The following FLI1 variants were observed in gnomAD, a reference collection of about 807,000 sequenced individuals.
FLI1 encodes Friend leukemia integration 1 transcription factor.
In FLI1, 13 loss-of-function variants were observed where a neutral mutation model predicts 53.1. The ratio of observed to expected loss-of-function variants is 0.24; its 90% CI spans 0.16 to 0.39. The LOEUF is 0.39. Ranked by LOEUF, FLI1 falls within the 10% of genes least tolerant of loss-of-function variation. The probability of loss-of-function intolerance (pLI) is 1.00; values close to 1 mark genes in which losing one functional copy is unlikely to be tolerated. For missense variants in FLI1, 424 were observed against 600.5 expected, an observed-to-expected ratio of 0.71 and a Z score of 3.07; for synonymous variants, 244 against 236.7, an observed-to-expected ratio of 1.03 and a Z score of -0.28.
rs549318441 is a variant in FLI1, at chr11:128,793,910, A to G, written c.656-11456A>G. ...ATTCGTTCCCATTGGACTCAGCCCA[A>G]CAATGACTCCTCCCGCACTGCCAAG... On this transcript the variant is annotated intron_variant, in intron 5 of 8. Transcript: ENST00000527786. 2.0e-5 allele frequency among the ~76,000 whole-genome samples: 3 copies of G among 152,282 alleles called. No homozygotes were observed. In the East Asian group the frequency reaches 5.8e-4, roughly 29 times the overall value.
intron 6 of FLI1, chr11:128,805,966 A>G (rs953711931): frequency 1.3e-5 from 2 of 151,814 alleles, no homozygotes; most frequent in Admixed American, 6.5e-5. Context: ...TTCTCCACCA[A>G]GTGGTGAGAT....
At chr11:128,697,108 C>T (rs1298580565) in intron 1 of FLI1, among the ~76,000 whole-genome samples, 1 of 152,208 alleles carries the variant, frequency 6.6e-6, no homozygotes, top group East Asian at 1.9e-4. Flanking sequence ...TATTAAACAA[C>T]ACCCGACCCA....
At chr11:128,809,127 T>A in intron 7 of FLI1, 30 bp from the exon 8 acceptor site, 1 of 1,605,074 alleles carries the variant, frequency 6.2e-7, no homozygotes, top group South Asian at 1.1e-5. Context: ...TTAAAAACAC[T>A]GAAGCAAATT....
chr11:128,689,118 TTAAG>T (rs1937642442), upstream of FLI1, among the ~76,000 whole-genome samples: 1 of 151,886 alleles, frequency 6.6e-6, no homozygotes, highest in African/African-American at 2.4e-5. Context: ...CACAGGGAGG[TTAAG>T]TAACTTGTTC....
intron 5 of FLI1, among the ~76,000 whole-genome samples, chr11:128,800,477 G>A (rs1394561772): frequency 2.6e-5 from 4 of 152,172 alleles, no homozygotes; most frequent in Admixed American, 2.0e-4. Context: ...GACAGCAGAG[G>A]CATCAGAGCA....
At chr11:128,776,838 G>A (rs1314952348) in intron 4 of FLI1, among the ~76,000 whole-genome samples, 2 of 151,730 alleles carry the variant, frequency 1.3e-5, no homozygotes, top group Non-Finnish European at 3.0e-5. Context: ...CGTTCCCCCG[G>A]CCCTGGAGAC....
At chr11:128,690,586 G>T (rs373443007), upstream of FLI1, among the ~76,000 whole-genome samples, 10 of 152,300 alleles carry the variant, frequency 6.6e-5, no homozygotes, top group East Asian at 1.5e-3. Flanking sequence ...CAGGACTTCC[G>T]CATCTTTGAA....
intron 5 of FLI1, among the ~76,000 whole-genome samples, chr11:128,783,804 G>C (rs775815561): frequency 1.3e-5 from 2 of 152,154 alleles, no homozygotes; most frequent in Non-Finnish European, 2.9e-5. Context: ...CTCACATTGC[G>C]AGGGCTCAAG....
At chr11:128,734,264 AGGCT>A (rs568541230) in intron 1 of FLI1, among the ~76,000 whole-genome samples, 58 of 152,312 alleles carry the variant, frequency 3.8e-4, no homozygotes, top group Middle Eastern at 3.4e-3. Flanking sequence ...CGTTTGGAGG[AGGCT>A]GCGCTGTCCA....
At chr11:128,708,826 C>T (rs556935807) in intron 1 of FLI1, among the ~76,000 whole-genome samples, 3 of 152,280 alleles carry the variant, frequency 2.0e-5, no homozygotes, top group East Asian at 1.9e-4. Context: ...AAAGAGCACC[C>T]GCCCCGTCTT....
At chr11:128,765,268 C>T (rs889329615) in intron 2 of FLI1, among the ~76,000 whole-genome samples, 14 of 152,136 alleles carry the variant, frequency 9.2e-5, no homozygotes, top group Non-Finnish European at 1.6e-4. Flanking sequence ...TTCAGCTTTT[C>T]ACATTTATTT....
In FLI1 at chr11:128,772,933, C is replaced by T; in HGVS notation, c.537C>T (p.Thr179=). 1.2e-6 allele frequency: 2 copies of T among 1,614,042 alleles called. No homozygotes were observed. Among genetic ancestry groups the T allele is most frequent in the Non-Finnish European group, 1.7e-6 (2 of 1,179,908 alleles). ...KMNKEDFLRA[T]TLYNTEVLLS... ...ACAAGGAGGACTTCCTCCGCGCCAC[C>T]ACCCTCTACAACACGGAAGTGCTGT... is the stretch of plus-strand genomic sequence containing the variant. The change falls in exon 4 of 9, where the codon ACC becomes ACT. Residue 179 remains threonine (T), a synonymous_variant. Transcript: ENST00000527786.
intron 5 of FLI1, among the ~76,000 whole-genome samples, chr11:128,797,607 G>C (rs890029642): frequency 2.6e-5 from 4 of 152,164 alleles, no homozygotes; most frequent in African/African-American, 7.2e-5. Context: ...TTGAATGTCA[G>C]CTCCACAGAG....
chr11:128,731,123 C>T (rs1939678644), intron 1 of FLI1, among the ~76,000 whole-genome samples: 1 of 152,222 alleles, frequency 6.6e-6, no homozygotes, highest in African/African-American at 2.4e-5. Flanking sequence ...TATATAGACG[C>T]TTGGCCGTTT....
chr11:128,738,198 T>G (rs1939985015), intron 1 of FLI1, among the ~76,000 whole-genome samples: 1 of 152,182 alleles, frequency 6.6e-6, no homozygotes. Flanking sequence ...AAGAAAATAC[T>G]GAAACTCAAG....
At chr11:128,767,879 A>C (rs571823824) in intron 2 of FLI1, among the ~76,000 whole-genome samples, 3 of 152,234 alleles carry the variant, frequency 2.0e-5, no homozygotes. Context: ...GTCTGAGGGC[A>C]CTGAGGCGCT....
intron 1 of FLI1, among the ~76,000 whole-genome samples, chr11:128,711,224 A>T (rs1479900733): frequency 2.0e-5 from 3 of 152,252 alleles, no homozygotes; most frequent in Non-Finnish European, 4.4e-5. Flanking sequence ...CATAGTGGGC[A>T]GTACAAGACT....
intron 4 of FLI1, among the ~76,000 whole-genome samples, chr11:128,775,350 C>T (rs1199913229): frequency 3.3e-5 from 5 of 150,722 alleles, no homozygotes; most frequent in African/African-American, 9.8e-5. Flanking sequence ...TTAAAATAAT[C>T]GTGTTAAATT....
intron 4 of FLI1, among the ~76,000 whole-genome samples, chr11:128,775,198 G>C (rs1217217889): frequency 2.6e-5 from 4 of 152,084 alleles, no homozygotes; most frequent in African/African-American, 9.7e-5. Context: ...TCCACAAGAT[G>C]GGAAGTAGTT....
Sources: gnomAD v4.1 joint callset for allele counts (sites outside exome capture counted in the v4.1 genomes callset) on GRCh38, gnomAD v4.1.1 for gene constraint, MANE v1.5 for transcripts, NCBI Gene and HGNC (gene_info 2026-07-23, HGNC 2026-07-21) for gene names.